Variants in LSM14A observed in about 807,000 individuals in gnomAD.
The protein encoded by LSM14A is protein LSM14 homolog A.
In LSM14A, 14 loss-of-function variants were observed where a neutral mutation model predicts 52.4. The observed-to-expected ratio is 0.27, with a 90% CI of 0.18 to 0.42. LSM14A has a LOEUF of 0.42. Among genes scored for constraint, LSM14A ranks in the 10% least tolerant of loss-of-function variants. LSM14A has a pLI of 1.00. For synonymous variants in LSM14A, 185 were observed against 200.3 expected (o/e 0.92, Z 0.64); for missense variants, 417 against 581.8 (o/e 0.72, Z 2.91).
At chr19:34,194,098 G>A (rs374763544) in intron 1 of LSM14A, among the ~76,000 whole-genome samples, 1 of 152,110 alleles carries the variant, frequency 6.6e-6, no homozygotes, top group Non-Finnish European at 1.5e-5. Flanking sequence ...GCCTGAGCCC[G>A]GGAAGCTGAG....
intron 1 of LSM14A, among the ~76,000 whole-genome samples, chr19:34,192,319 G>GTCTTTTT (rs1763881068): frequency 1.9e-5 from 1 of 53,410 alleles, no homozygotes; most frequent in Non-Finnish European, 3.3e-5. Flanking sequence ...TCTTTTTGTT[G>GTCTTTTT]TTTTTTTTTT....
At chr19:34,192,310 C>CTTTTTT (rs1568479681) in intron 1 of LSM14A, among the ~76,000 whole-genome samples, 13 of 51,624 alleles carry the variant, frequency 2.5e-4, no homozygotes, top group Non-Finnish European at 4.6e-4. Flanking sequence ...AAATAACATT[C>CTTTTTT]TTTTTGTTGT....
rs2072476758 is a variant in LSM14A, at chr19:34,215,112, G to T, written c.539-12G>T. The T allele has an allele frequency of 1.3e-6, 2 of 1,591,696 alleles. No individual in the cohort carries two copies. The highest frequency in any genetic ancestry group is 8.5e-7 in the Non-Finnish European group (1 of 1,172,162). ...CAATAGGGTAGTTTGTTATCTTTTG[G>T]TTACATTTTAGGTCGCTCAAGCCCT... is the stretch of plus-strand genomic sequence containing the variant. On this transcript the variant is annotated splice_polypyrimidine_tract_variant and intron_variant, in intron 4 of 9. Coordinates refer to ENST00000544216, the MANE Select transcript of LSM14A (RefSeq NM_015578.4).
In LSM14A at chr19:34,226,585, G is replaced by C. The variant is rs1383042613; in HGVS notation, c.1369-780G>C. ...CATATGTATTTCAGTTTAATAACGG[G>C]GTGCAAATGTTTTGGTGTTGTATAC... On this transcript the variant is annotated intron_variant, in intron 9 of 9. Coordinates refer to ENST00000544216, the MANE Select transcript of LSM14A (RefSeq NM_015578.4). 6.0e-6 allele frequency: 5 copies of C among 833,334 alleles called. No homozygotes were observed. The East Asian group carries it at 1.4e-4, about 24-fold the overall frequency. The allele number at this position is 833,334 out of a possible 1,614,324, so 51.6% of individuals were successfully genotyped here. A position where few individuals can be genotyped will look rare whatever the true frequency, so the allele number is the denominator to read the frequency against.
intron 3 of LSM14A, among the ~76,000 whole-genome samples, chr19:34,205,480 C>T (rs1443451358): frequency 1.1e-5 from 1 of 88,566 alleles, no homozygotes; most frequent in Non-Finnish European, 2.2e-5. Flanking sequence ...AACAAGACTC[C>T]ATCTCACAAA....
At chr19:34,173,685 A>G (rs1052000309) in intron 1 of LSM14A, among the ~76,000 whole-genome samples, 2 of 152,330 alleles carry the variant, frequency 1.3e-5, no homozygotes, top group Admixed American at 1.3e-4. Context: ...TAGCTCCTGA[A>G]TCTTAAAGGA....
chr19:34,217,470 A>G (rs1452366346), intron 6 of LSM14A, among the ~76,000 whole-genome samples: 1 of 151,490 alleles, frequency 6.6e-6, no homozygotes, highest in African/African-American at 2.4e-5. Context: ...TCTAAATTAA[A>G]AAGGGAATGT....
At chr19:34,202,800 G>A (rs1188094289) in intron 3 of LSM14A, among the ~76,000 whole-genome samples, 1 of 151,962 alleles carries the variant, frequency 6.6e-6, no homozygotes, top group Non-Finnish European at 1.5e-5. Context: ...GACTACAGAC[G>A]CCCGCCACCA....
intron 1 of LSM14A, among the ~76,000 whole-genome samples, chr19:34,179,185 T>C (rs924403127): frequency 6.6e-6 from 1 of 152,226 alleles, no homozygotes; most frequent in Non-Finnish European, 1.5e-5. Flanking sequence ...AATAAGTTGT[T>C]CTTAAAATCA....
chr19:34,215,486 C>A, intron 5 of LSM14A, 110 bp from the exon 6 acceptor site: 1 of 1,141,348 alleles, frequency 8.8e-7, no homozygotes, highest in Non-Finnish European at 1.3e-6. Flanking sequence ...TTGGGCATTG[C>A]ACAGGCTTTG....
At chr19:34,201,332 G>T (rs1035690703) in intron 3 of LSM14A, among the ~76,000 whole-genome samples, 1 of 152,162 alleles carries the variant, frequency 6.6e-6, no homozygotes, top group Non-Finnish European at 1.5e-5. Flanking sequence ...TTTCAGAAAA[G>T]GAATTAACTT....
Position 34,218,323 on chromosome 19 carries a change from G to A in LSM14A, c.782-1068G>A, listed in dbSNP as rs544673210. On this transcript the variant is annotated intron_variant, in intron 6 of 9. Transcript: ENST00000544216. Reference sequence around the variant, plus strand: ...CTGGCCCCAAAATATTTTTTTTTAAGACAGAAGGATCATGGTGTAATTCTG... The same window carrying A: ...CTGGCCCCAAAATATTTTTTTTTAAAACAGAAGGATCATGGTGTAATTCTG... Among the ~76,000 whole-genome samples the A allele has an allele frequency of 3.9e-5, 6 of 152,126 alleles. No individual in the cohort carries two copies. In the South Asian group the frequency reaches 1.2e-3, roughly 32 times the overall value.
chr19:34,226,231 C>T (rs2073330705), intron 9 of LSM14A, among the ~76,000 whole-genome samples: 1 of 152,052 alleles, frequency 6.6e-6, no homozygotes. Context: ...GTTAAGCCAC[C>T]ATGGTGGGTG....
intron 3 of LSM14A, among the ~76,000 whole-genome samples, chr19:34,197,947 A>G (rs1361136667): frequency 6.6e-6 from 1 of 152,256 alleles, no homozygotes; most frequent in South Asian, 2.1e-4. Flanking sequence ...AGCTGGATGT[A>G]ATCAGATTAG....
intron 6 of LSM14A, among the ~76,000 whole-genome samples, chr19:34,216,187 G>A (rs1407714088): frequency 1.3e-5 from 2 of 152,138 alleles, no homozygotes; most frequent in Non-Finnish European, 2.9e-5. Context: ...GCCGGGGCGG[G>A]CGGATCACGA....
intron 1 of LSM14A, among the ~76,000 whole-genome samples, chr19:34,179,215 G>GA (rs2069297073): frequency 6.6e-6 from 1 of 152,156 alleles, no homozygotes; most frequent in South Asian, 2.1e-4. Context: ...TGGAAGAATA[G>GA]AAAAACAAGT....
intron 3 of LSM14A, among the ~76,000 whole-genome samples, chr19:34,204,488 G>C (rs1411307149): frequency 1.3e-5 from 2 of 150,758 alleles, no homozygotes; most frequent in South Asian, 4.2e-4. Flanking sequence ...AAGGTGGGAG[G>C]ATCACTTGAG....
chr19:34,213,495 C>A (rs2072323785), intron 4 of LSM14A, among the ~76,000 whole-genome samples: 1 of 152,174 alleles, frequency 6.6e-6, no homozygotes, highest in Non-Finnish European at 1.5e-5. Context: ...TCAGCACTCA[C>A]CAGTTGTTTG....
chr19:34,173,931 ATCCT>A (rs2068895734), intron 1 of LSM14A, among the ~76,000 whole-genome samples: 1 of 114,556 alleles, frequency 8.7e-6, no homozygotes. Flanking sequence ...GCTCTGGTAA[ATCCT>A]TTATTTATTT....
Sources: allele counts gnomAD v4.1 joint callset (sites outside exome capture counted in the v4.1 genomes callset), GRCh38; gene constraint gnomAD v4.1.1; transcripts MANE v1.5; gene names NCBI Gene and HGNC (gene_info 2026-07-23, HGNC 2026-07-21).